Variants in EXOC2 observed in about 807,000 individuals in gnomAD.
EXOC2 encodes the protein exocyst complex component 2, also known as SEC5-like 1.
In EXOC2, 70 loss-of-function variants were observed where a neutral mutation model predicts 131.8. The ratio of observed to expected loss-of-function variants is 0.53; its 90% CI spans 0.44 to 0.65. The LOEUF is 0.65. Ranked by LOEUF, EXOC2 falls within the 30% of genes least tolerant of loss-of-function variation. EXOC2 has a pLI of 0.00. For missense variants in EXOC2, 923 were observed against 1,108.6 expected, an observed-to-expected ratio of 0.83 and a Z score of 2.38; for synonymous variants, 411 against 398.4, an observed-to-expected ratio of 1.03 and a Z score of -0.38.
At chr6:560,863 G>A (rs551539077) in intron 17 of EXOC2, among the ~76,000 whole-genome samples, 1 of 151,640 alleles carries the variant, frequency 6.6e-6, no homozygotes, top group Admixed American at 6.6e-5. Context: ...ATGTACCACC[G>A]TGCCTGGCTA....
chr6:651,382 A>G (rs1376022722), intron 1 of EXOC2, among the ~76,000 whole-genome samples: 2 of 152,060 alleles, frequency 1.3e-5, no homozygotes, highest in Non-Finnish European at 2.9e-5. Flanking sequence ...GGCCAGGTGT[A>G]GTGGCTGATG....
At chr6:625,878 T>C (rs2127693894) in intron 4 of EXOC2, among the ~76,000 whole-genome samples, 1 of 152,172 alleles carries the variant, frequency 6.6e-6, no homozygotes, top group South Asian at 2.1e-4. Context: ...TGAGATCATA[T>C]AAAAACAGTA....
chr6:507,717 T>C (rs185921769), intron 23 of EXOC2, among the ~76,000 whole-genome samples: 132 of 152,312 alleles, frequency 8.7e-4, no homozygotes, highest in Non-Finnish European at 1.7e-3. Flanking sequence ...ATTTAAATCT[T>C]AGCTGGAAAA....
intron 11 of EXOC2, among the ~76,000 whole-genome samples, chr6:585,676 A>G (rs1759169001): frequency 6.6e-6 from 1 of 152,242 alleles, no homozygotes; most frequent in African/African-American, 2.4e-5. Flanking sequence ...CAAAGTGAAA[A>G]GCAAAAGTCT....
At chr6:658,179 T>C (rs1317430751) in intron 1 of EXOC2, among the ~76,000 whole-genome samples, 1 of 152,178 alleles carries the variant, frequency 6.6e-6, no homozygotes, top group Non-Finnish European at 1.5e-5. Context: ...GAAATGTCAA[T>C]TTTGTTTTAG....
intron 13 of EXOC2, among the ~76,000 whole-genome samples, chr6:565,978 G>A (rs571934960): frequency 1.4e-4 from 21 of 152,242 alleles, no homozygotes; most frequent in African/African-American, 3.4e-4. Context: ...ACAAAAAAAC[G>A]GGCAGCACAT....
Position 592,721 on chromosome 6 carries a change from A to G in EXOC2, c.1074-134T>C, listed in dbSNP as rs976888708. 7 of 629,200 alleles carry G rather than the reference A, an allele frequency of 1.1e-5. No individual in the cohort carries two copies. The African/African-American group carries it at 1.3e-4, about 12-fold the overall frequency. The allele number at this position is 629,200 out of a possible 1,614,324, so 39.0% of individuals were successfully genotyped here. On this transcript the variant is annotated intron_variant, in intron 10 of 27. Coordinates refer to ENST00000230449, the MANE Select transcript of EXOC2 (RefSeq NM_018303.6). ...TATTAGTCTTTAATATTTAATTCTCAATGAAATATATTCAAATTTCTTGGC... is the reference window on the plus strand; with the variant it reads ...TATTAGTCTTTAATATTTAATTCTCGATGAAATATATTCAAATTTCTTGGC...
chr6:491,055 G>C, intron 26 of EXOC2, 70 bp downstream of exon 26: 1 of 1,470,320 alleles, frequency 6.8e-7, no homozygotes, highest in Non-Finnish European at 9.5e-7. Flanking sequence ...TCTTTACAGA[G>C]GACAGAATTG....
chr6:488,853 A>ATTCTGATTCTTATTTG, intron 27 of EXOC2, 126 bp downstream of exon 27: 2 of 1,002,002 alleles, frequency 2.0e-6, no homozygotes, highest in Non-Finnish European at 3.0e-6. Context: ...ATATCTGCTT[A>ATTCTGATTCTTATTTG]TTCTGATTCT....
intron 2 of EXOC2, among the ~76,000 whole-genome samples, chr6:635,485 AAAG>A (rs1762056905): frequency 6.6e-6 from 1 of 152,270 alleles, no homozygotes; most frequent in Admixed American, 6.5e-5. Context: ...AATGTTATGA[AAAG>A]AAAAAAGATC....
At chr6:524,451 A>G (rs924583555) in intron 23 of EXOC2, 2 of 152,246 alleles carry the variant, frequency 1.3e-5, no homozygotes, top group African/African-American at 4.8e-5. Flanking sequence ...GTTCCACTGC[A>G]TGGACAATAG....
At chr6:656,242 T>A (rs779243836) in intron 1 of EXOC2, 1 of 1,614,190 alleles carries the variant, frequency 6.2e-7, no homozygotes, top group Non-Finnish European at 8.5e-7. Context: ...TGCAGAAGCT[T>A]CCGATTGTCC....
intron 4 of EXOC2, among the ~76,000 whole-genome samples, chr6:626,501 G>A (rs1010757867): frequency 2.0e-5 from 3 of 152,142 alleles, no homozygotes; most frequent in African/African-American, 7.2e-5. Flanking sequence ...CAGCTGTCGA[G>A]AATTTATCAC....
At chr6:497,645 CTT>C (rs1268432687) in intron 24 of EXOC2, among the ~76,000 whole-genome samples, 156 bp from the exon 25 acceptor site, 6 of 152,180 alleles carry the variant, frequency 3.9e-5, no homozygotes, top group Admixed American at 1.3e-4. Context: ...AAGATACAGA[CTT>C]ATATTTAAAT....
Position 524,600 on chromosome 6 carries a change from T to C in EXOC2, c.2380+7869A>G, listed in dbSNP as rs537638459. Among the ~76,000 whole-genome samples the C allele has an allele frequency of 1.1e-4, 16 of 152,330 alleles. No individual in the cohort carries two copies. The East Asian group carries it at 2.9e-3, about 28-fold the overall frequency. The stretch of plus-strand genomic sequence containing the variant: ...TTATGCAGGTTTCATAAAATAAGAT[T>C]GAATATGCTTCCTATTATATTTTCT... On this transcript the variant is annotated intron_variant, in intron 23 of 27. Transcript: ENST00000230449.
intron 23 of EXOC2, among the ~76,000 whole-genome samples, chr6:517,147 G>A (rs1765204405): frequency 2.0e-5 from 3 of 152,146 alleles, no homozygotes. Context: ...GGTGGACAGA[G>A]ACACAGTGTG....
intron 10 of EXOC2, among the ~76,000 whole-genome samples, chr6:595,982 G>A (rs183843203): frequency 3.9e-5 from 6 of 152,208 alleles, no homozygotes; most frequent in African/African-American, 1.2e-4. Flanking sequence ...AACAAGAGTG[G>A]GCTCTGAAGC....
At chr6:620,913 C>T (rs1049750997) in intron 4 of EXOC2, among the ~76,000 whole-genome samples, 1 of 152,146 alleles carries the variant, frequency 6.6e-6, no homozygotes, top group Non-Finnish European at 1.5e-5. Flanking sequence ...TCTCTGCCTG[C>T]CAGGTATTCG....
At position 629,913 on chromosome 6, in the gene EXOC2, T is replaced by C. The variant is rs964368049; in HGVS notation, c.344A>G (p.Asp115Gly). The change falls in exon 4 of 28, where the codon GAT becomes GGT. Residue 115 changes from aspartate to glycine, a missense_variant. By Grantham distance (94) the Asp-to-Gly change is moderately conservative (BLOSUM62 -1). Transcript: ENST00000230449. ...AVWVDEMNYYDMRTDRNKGIP... is the reference protein window; with the variant it reads ...AVWVDEMNYYGMRTDRNKGIP... ...TCCTTTGTTCCTGTCAGTGCGCATA[T>C]CATAATAATTCATTTCATCAACCCA... The C allele has an allele frequency of 6.2e-7, 1 of 1,614,100 alleles. No individual in the cohort carries two copies. The highest frequency in any genetic ancestry group is 8.5e-7 in the Non-Finnish European group (1 of 1,179,964).
Sources: gnomAD v4.1 joint callset for allele counts (sites outside exome capture counted in the v4.1 genomes callset) on GRCh38, gnomAD v4.1.1 for gene constraint, MANE v1.5 for transcripts, NCBI Gene and HGNC (gene_info 2026-07-23, HGNC 2026-07-21) for gene names.